Variants in GPC6 observed in about 807,000 individuals in gnomAD.
The protein encoded by GPC6 is glypican 6, also known as glypican-6.
GPC6 carries 14 observed loss-of-function variants against 55.2 expected under a neutral mutation model. The ratio of observed to expected loss-of-function variants is 0.25; its 90% CI spans 0.17 to 0.40. GPC6 has a LOEUF of 0.40. Ranked by LOEUF, GPC6 falls within the 10% of genes least tolerant of loss-of-function variation. The probability of loss-of-function intolerance (pLI) is 1.00; values close to 1 mark genes in which losing one functional copy is unlikely to be tolerated. For missense variants in GPC6, 641 were observed against 708.5 expected, an observed-to-expected ratio of 0.90 and a Z score of 1.08; for synonymous variants, 278 against 259.6, an observed-to-expected ratio of 1.07 and a Z score of -0.68.
chr13:94,129,700 A>G (rs1005912085), intron 4 of GPC6, among the ~76,000 whole-genome samples: 1 of 152,006 alleles, frequency 6.6e-6, no homozygotes, highest in Non-Finnish European at 1.5e-5. Flanking sequence ...CCCCTGTGTA[A>G]CTATTTCCCT....
intron 1 of GPC6, among the ~76,000 whole-genome samples, chr13:93,501,209 T>C (rs1252195810): frequency 6.6e-6 from 1 of 152,042 alleles, no homozygotes; most frequent in Non-Finnish European, 1.5e-5. Flanking sequence ...GGTTTTGAAG[T>C]CATAGAGGAC....
intron 2 of GPC6, among the ~76,000 whole-genome samples, chr13:93,804,553 A>C (rs1427554280): frequency 1.3e-5 from 2 of 152,218 alleles, no homozygotes; most frequent in Non-Finnish European, 2.9e-5. Flanking sequence ...ATAAATCTAC[A>C]TGCCATAACT....
At chr13:93,767,572 C>CT (rs1885162328) in intron 2 of GPC6, among the ~76,000 whole-genome samples, 1 of 152,046 alleles carries the variant, frequency 6.6e-6, no homozygotes, top group Non-Finnish European at 1.5e-5. Context: ...GCTGTTGAGC[C>CT]TTTATTTTTA....
At chr13:93,545,603 A>G (rs1262107345) in intron 2 of GPC6, among the ~76,000 whole-genome samples, 182 bp downstream of exon 2, 1 of 151,500 alleles carries the variant, frequency 6.6e-6, no homozygotes, top group East Asian at 1.9e-4. Context: ...TTTTTTAGTA[A>G]TATCTTGGTA....
At chr13:94,081,347 A>G (rs1042537249) in intron 4 of GPC6, among the ~76,000 whole-genome samples, 3 of 152,158 alleles carry the variant, frequency 2.0e-5, no homozygotes, top group South Asian at 2.1e-4. Context: ...ACTCAAAGAC[A>G]TATTATCTCT....
intron 1 of GPC6, 92 bp from the exon 2 acceptor site, chr13:93,545,171 T>G (rs780179031): frequency 3.6e-6 from 4 of 1,102,734 alleles, no homozygotes; most frequent in Non-Finnish European, 5.5e-6. Flanking sequence ...ACAAGCACCC[T>G]GAGATTTGAG....
intron 4 of GPC6, among the ~76,000 whole-genome samples, chr13:94,223,700 A>G (rs1490042000): frequency 1.3e-5 from 2 of 152,276 alleles, no homozygotes; most frequent in South Asian, 4.1e-4. Context: ...ATCATCTTAC[A>G]CATGAGCAAA....
intron 1 of GPC6, among the ~76,000 whole-genome samples, chr13:93,500,843 C>T (rs761283325): frequency 2.0e-5 from 3 of 152,078 alleles, no homozygotes; most frequent in Non-Finnish European, 4.4e-5. Context: ...AAAACTGTTG[C>T]CCAATCTCTC....
chr13:93,466,367 T>A (rs1349281489), intron 1 of GPC6, among the ~76,000 whole-genome samples: 6 of 152,234 alleles, frequency 3.9e-5, no homozygotes, highest in Admixed American at 3.3e-4. Flanking sequence ...GAATATTTAC[T>A]CATTTTTTAA....
intron 3 of GPC6, among the ~76,000 whole-genome samples, chr13:93,980,123 C>A (rs1296379389): frequency 1.3e-5 from 2 of 152,086 alleles, no homozygotes; most frequent in Non-Finnish European, 2.9e-5. Flanking sequence ...ATTACTACAA[C>A]ACTTCCATAA....
rs1888130565 is a variant in GPC6 at position 94,160,739 on chromosome 13, C to T, written c.878-125610C>T. 2.0e-5 allele frequency among the ~76,000 whole-genome samples: 3 copies of T among 152,306 alleles called. No individual in the cohort carries two copies. In the South Asian group the frequency reaches 6.2e-4, roughly 32 times the overall value. ...GATCCTACAAGTACTAAACATAGCC[C>T]TTTTTTCTTCGTTTCGTTCATGTAT... On this transcript the variant is annotated intron_variant, in intron 4 of 8. Coordinates refer to ENST00000377047, the MANE Select transcript of GPC6 (RefSeq NM_005708.5).
intron 4 of GPC6, among the ~76,000 whole-genome samples, chr13:94,126,297 C>T (rs190927843): frequency 6.6e-5 from 10 of 152,236 alleles, no homozygotes; most frequent in African/African-American, 2.2e-4. Flanking sequence ...GTGGGAGAAT[C>T]ACTTGAGCTT....
chr13:94,238,102 A>C (rs1301417249), intron 4 of GPC6, among the ~76,000 whole-genome samples: 1 of 152,154 alleles, frequency 6.6e-6, no homozygotes, highest in East Asian at 1.9e-4. Flanking sequence ...AGATGGAGGA[A>C]GACTGAGGGA....
At chr13:93,895,234 G>GTGTGTGTGTACA (rs1196315147) in intron 3 of GPC6, among the ~76,000 whole-genome samples, 1 of 108,208 alleles carries the variant, frequency 9.2e-6, no homozygotes, top group African/African-American at 3.7e-5. Context: ...GTGTGTGTGT[G>GTGTGTGTGTACA]TATATATATA....
chr13:94,253,426 GTTC>G (rs1007950648), intron 4 of GPC6, among the ~76,000 whole-genome samples: 28 of 152,120 alleles, frequency 1.8e-4, no homozygotes, highest in Admixed American at 1.1e-3. Flanking sequence ...TATCTCAACG[GTTC>G]TTCTTTTTTT....
chr13:93,677,866 A>C (rs1289238917), intron 2 of GPC6, among the ~76,000 whole-genome samples: 1 of 152,132 alleles, frequency 6.6e-6, no homozygotes, highest in Non-Finnish European at 1.5e-5. Flanking sequence ...CATGGGATAA[A>C]ATGGATAATA....
At chr13:94,206,566 A>C (rs1180048807) in intron 4 of GPC6, among the ~76,000 whole-genome samples, 1 of 152,184 alleles carries the variant, frequency 6.6e-6, no homozygotes, top group Non-Finnish European at 1.5e-5. Flanking sequence ...AAAAATAGCA[A>C]ATAAGAGCCA....
intron 2 of GPC6, among the ~76,000 whole-genome samples, chr13:93,552,660 G>A (rs971668691): frequency 6.6e-6 from 1 of 152,122 alleles, no homozygotes; most frequent in African/African-American, 2.4e-5. Flanking sequence ...TCCCAGTGTG[G>A]TTGTAATATT....
At chr13:93,379,899 AAGC>A (rs1875086378) in intron 1 of GPC6, among the ~76,000 whole-genome samples, 1 of 151,854 alleles carries the variant, frequency 6.6e-6, no homozygotes, top group Admixed American at 6.6e-5. Flanking sequence ...AAATAATTAG[AAGC>A]AGCCAATAAA....
Sources: allele counts gnomAD v4.1 joint callset (sites outside exome capture counted in the v4.1 genomes callset), GRCh38; gene constraint gnomAD v4.1.1; transcripts MANE v1.5; gene names NCBI Gene and HGNC (gene_info 2026-07-23, HGNC 2026-07-21).